GRID1: variants seen among roughly 807,000 people sequenced by gnomAD.
The protein encoded by GRID1 is glutamate receptor ionotropic, delta-1.
A neutral mutation model predicts 98.0 loss-of-function variants in GRID1; 28 were observed. The observed-to-expected ratio is 0.29, with a 90% CI of 0.21 to 0.39. The LOEUF is 0.39. Among genes scored for constraint, GRID1 ranks in the 10% least tolerant of loss-of-function variants. GRID1 has a pLI of 1.00. For synonymous variants in GRID1, 553 were observed against 538.5 expected (o/e 1.03, Z -0.37); for missense variants, 1,111 against 1,340.5 (o/e 0.83, Z 2.67).
At chr10:85,657,800 T>A (rs1272537072) in intron 12 of GRID1, among the ~76,000 whole-genome samples, 1 of 152,146 alleles carries the variant, frequency 6.6e-6, no homozygotes, top group Non-Finnish European at 1.5e-5. Context: ...TGATCCAGGT[T>A]CTTTGTGGGT....
intron 5 of GRID1, among the ~76,000 whole-genome samples, chr10:85,896,173 T>C (rs1841291140): frequency 6.6e-6 from 1 of 152,108 alleles, no homozygotes; most frequent in African/African-American, 2.4e-5. Context: ...GGATGAAGTT[T>C]CGTGGCTTTT....
intron 4 of GRID1, among the ~76,000 whole-genome samples, chr10:86,028,169 G>A (rs1338975984): frequency 6.6e-6 from 1 of 152,170 alleles, no homozygotes; most frequent in African/African-American, 2.4e-5. Flanking sequence ...ATACTTCCTT[G>A]ACAAATAATT....
chr10:85,836,363 G>A (rs1272063908), intron 8 of GRID1, among the ~76,000 whole-genome samples: 1 of 152,114 alleles, frequency 6.6e-6, no homozygotes, highest in Non-Finnish European at 1.5e-5. Flanking sequence ...ACCGAGAGTG[G>A]ATGGAGGAAA....
At chr10:86,303,002 T>G (rs967219697) in intron 2 of GRID1, among the ~76,000 whole-genome samples, 3 of 152,234 alleles carry the variant, frequency 2.0e-5, no homozygotes, top group African/African-American at 7.2e-5. Context: ...ACATGTGTTG[T>G]CCTGGATTGA....
intron 15 of GRID1, among the ~76,000 whole-genome samples, chr10:85,603,892 G>T (rs1842618290): frequency 1.3e-5 from 2 of 152,236 alleles, no homozygotes; most frequent in East Asian, 3.9e-4. Context: ...TGTCCACCTT[G>T]CAGGGGAGTT....
At chr10:86,348,725 C>T (rs1037017793) in intron 2 of GRID1, among the ~76,000 whole-genome samples, 4 of 152,250 alleles carry the variant, frequency 2.6e-5, no homozygotes, top group African/African-American at 9.6e-5. Flanking sequence ...CATGCATGCC[C>T]CTGCTGGCTG....
chr10:85,956,985 A>G (rs1842202755), intron 4 of GRID1, among the ~76,000 whole-genome samples: 1 of 152,182 alleles, frequency 6.6e-6, no homozygotes, highest in South Asian at 2.1e-4. Context: ...TCATGGTGGA[A>G]GGGGAAGCAA....
At chr10:85,695,419 T>C (rs1398641899) in intron 12 of GRID1, among the ~76,000 whole-genome samples, 2 of 152,298 alleles carry the variant, frequency 1.3e-5, no homozygotes. Flanking sequence ...TACTATATTG[T>C]GTATGCATAA....
chr10:85,672,940 T>G (rs913279236), intron 12 of GRID1, among the ~76,000 whole-genome samples: 1 of 152,232 alleles, frequency 6.6e-6, no homozygotes, highest in African/African-American at 2.4e-5. Context: ...TTCTGATGGA[T>G]CTGGGCAAAG....
intron 6 of GRID1, among the ~76,000 whole-genome samples, chr10:85,866,705 G>A (rs1366406878): frequency 1.3e-5 from 2 of 152,086 alleles, no homozygotes; most frequent in African/African-American, 4.8e-5. Context: ...GACTCTGGGG[G>A]ATAATATTCT....
intron 4 of GRID1, among the ~76,000 whole-genome samples, chr10:86,109,551 G>A (rs1395747816): frequency 6.6e-6 from 1 of 152,228 alleles, no homozygotes; most frequent in Non-Finnish European, 1.5e-5. Flanking sequence ...ATTGCTTTGT[G>A]CCAGGTTGCC....
At chr10:85,744,427 A>G (rs1003692333) in intron 8 of GRID1, among the ~76,000 whole-genome samples, 2 of 151,548 alleles carry the variant, frequency 1.3e-5, no homozygotes, top group Admixed American at 6.6e-5. Context: ...CATATCTACA[A>G]CTATCTGATC....
rs577227302 is a variant in GRID1, at chr10:86,149,466, C to T, written c.521-10442G>A. ...ACCTTGAATGAGCCGTACCCACACC[C>T]CCTGCCTGGGGCACTAACAATGGAA... is the stretch of plus-strand genomic sequence containing the variant. On this transcript the variant is annotated intron_variant, in intron 3 of 15. Coordinates refer to ENST00000327946, the MANE Select transcript of GRID1 (RefSeq NM_017551.3). Among the ~76,000 whole-genome samples, 16 of 152,336 alleles carry T rather than the reference C, an allele frequency of 1.1e-4. No individual in the cohort carries two copies. The South Asian group carries it at 3.3e-3, about 32-fold the overall frequency.
At chr10:85,714,015 C>T (rs1255743681) in intron 12 of GRID1, among the ~76,000 whole-genome samples, 1 of 151,582 alleles carries the variant, frequency 6.6e-6, no homozygotes, top group African/African-American at 2.4e-5. Context: ...TTAGGCAATA[C>T]AAAGAAATAA....
At chr10:85,788,153 T>A (rs956614289) in intron 8 of GRID1, among the ~76,000 whole-genome samples, 1 of 152,086 alleles carries the variant, frequency 6.6e-6, no homozygotes, top group Non-Finnish European at 1.5e-5. Flanking sequence ...TAAGAGCTGA[T>A]GAATGAGGGG....
At chr10:85,994,185 G>A (rs1450041456) in intron 4 of GRID1, among the ~76,000 whole-genome samples, 1 of 152,130 alleles carries the variant, frequency 6.6e-6, no homozygotes. Flanking sequence ...TTGACCCAAT[G>A]CCTCCAAACA....
At chr10:85,984,375 T>C (rs1299763532) in intron 4 of GRID1, among the ~76,000 whole-genome samples, 1 of 152,086 alleles carries the variant, frequency 6.6e-6, no homozygotes, top group Non-Finnish European at 1.5e-5. Flanking sequence ...GGGTGGGAGA[T>C]TCTAGTCTCC....
chr10:85,749,757 C>T (rs1269775890), intron 8 of GRID1, among the ~76,000 whole-genome samples: 5 of 152,176 alleles, frequency 3.3e-5, no homozygotes, highest in Admixed American at 1.3e-4. Flanking sequence ...AGCCTTTGTA[C>T]ATGCTCTCCT....
intron 14 of GRID1, 105 bp downstream of exon 14, chr10:85,619,762 G>C (rs978650419): frequency 2.4e-6 from 2 of 849,320 alleles, no homozygotes; most frequent in East Asian, 5.3e-5. Context: ...AAAATATGAC[G>C]AACAAAGATG....
Sources: allele counts gnomAD v4.1 joint callset (sites outside exome capture counted in the v4.1 genomes callset), GRCh38; gene constraint gnomAD v4.1.1; transcripts MANE v1.5; gene names NCBI Gene and HGNC (gene_info 2026-07-23, HGNC 2026-07-21).